FBXO36: variants seen among roughly 807,000 people sequenced by gnomAD.
FBXO36 encodes F-box only protein 36.
FBXO36 carries 18 observed loss-of-function variants against 17.0 expected under a neutral mutation model. The observed-to-expected ratio is 1.06, with a 90% CI of 0.73 to 1.57. FBXO36 has a LOEUF of 1.57. Ranked by LOEUF, FBXO36 falls within the 40% of genes most tolerant of loss-of-function variation. The pLI, the probability that FBXO36 is intolerant of heterozygous loss-of-function variation, is 0.00. For missense variants in FBXO36, 229 were observed against 221.9 expected (o/e 1.03, Z -0.20); for synonymous variants, 83 against 85.3 (o/e 0.97, Z 0.15).
At chr2:229,933,150 T>A (rs1164809358) in intron 1 of FBXO36, among the ~76,000 whole-genome samples, 1 of 152,318 alleles carries the variant, frequency 6.6e-6, no homozygotes, top group Middle Eastern at 3.4e-3. Context: ...GTAATCCATT[T>A]GGGAGGACGA....
intron 1 of FBXO36, chr2:229,937,889 CTCTT>C (rs2076972980): frequency 6.6e-6 from 1 of 152,192 alleles, no homozygotes. Context: ...GCACAGGTCT[CTCTT>C]CTTGATAGCA....
intron 2 of FBXO36, among the ~76,000 whole-genome samples, chr2:229,988,808 G>A (rs544062723): frequency 2.0e-5 from 3 of 148,812 alleles, no homozygotes; most frequent in East Asian, 2.0e-4. Context: ...GATTATAGGC[G>A]TGAGCCACCA....
intron 1 of FBXO36, among the ~76,000 whole-genome samples, chr2:229,926,836 G>A (rs943820023): frequency 6.6e-6 from 1 of 151,846 alleles, no homozygotes; most frequent in Non-Finnish European, 1.5e-5. Flanking sequence ...GATTAATAAA[G>A]TGTTAGGGGT....
intron 1 of FBXO36, among the ~76,000 whole-genome samples, chr2:229,942,224 G>A (rs548106781): frequency 3.5e-4 from 54 of 152,198 alleles, no homozygotes; most frequent in Non-Finnish European, 5.4e-4. Context: ...TGGGTAATAG[G>A]AGGCAGCGTC....
intron 1 of FBXO36, among the ~76,000 whole-genome samples, chr2:229,971,359 G>GA (rs1265894585): frequency 0.013 from 1,168 of 88,270 alleles, 9 homozygotes; most frequent in Non-Finnish European, 0.015. Flanking sequence ...CATCTCAAAA[G>GA]AAAAAAAAAA....
intron 1 of FBXO36, among the ~76,000 whole-genome samples, chr2:229,934,178 G>T (rs1217962806): frequency 6.6e-6 from 1 of 151,898 alleles, no homozygotes; most frequent in Non-Finnish European, 1.5e-5. Context: ...GAGGCGAGTG[G>T]ATCACAAGGT....
At chr2:229,939,723 C>T (rs758919286) in intron 1 of FBXO36, among the ~76,000 whole-genome samples, 6 of 152,172 alleles carry the variant, frequency 3.9e-5, no homozygotes, top group Admixed American at 2.0e-4. Context: ...GTTGGTTCCC[C>T]AAGGCTCCCT....
chr2:229,931,420 C>T (rs2076937826), intron 1 of FBXO36, among the ~76,000 whole-genome samples: 1 of 152,194 alleles, frequency 6.6e-6, no homozygotes, highest in African/African-American at 2.4e-5. Context: ...CGGATCCTTT[C>T]ATTCCTCCTG....
At chr2:229,967,890 G>A (rs1056215544) in intron 1 of FBXO36, among the ~76,000 whole-genome samples, 2 of 152,052 alleles carry the variant, frequency 1.3e-5, no homozygotes, top group Non-Finnish European at 2.9e-5. Context: ...TGCTGGCCTC[G>A]TAAAATGAGT....
intron 1 of FBXO36, among the ~76,000 whole-genome samples, chr2:229,932,256 T>TA (rs1434724399): frequency 6.6e-6 from 1 of 151,630 alleles, no homozygotes; most frequent in Non-Finnish European, 1.5e-5. Flanking sequence ...CACGGTGGCT[T>TA]ACGCCTGTTA....
chr2:229,922,581 A>G lies in FBXO36; in HGVS notation c.68A>G (p.Tyr23Cys), dbSNP rs769504180. 61 of 1,613,936 alleles carry G rather than the reference A, an allele frequency of 3.8e-5. No individual in the cohort carries two copies. The highest frequency in any genetic ancestry group is 4.4e-5 in the Non-Finnish European group (52 of 1,180,006). The change falls in exon 1 of 4, where the codon TAT becomes TGT. Residue 23 changes from tyrosine to cysteine, a missense_variant. Coordinates refer to ENST00000283946, the MANE Select transcript of FBXO36 (RefSeq NM_174899.5). ...CAAGGCCCGCCGCCTAGCAAAGACTATTACCAGTTACTGGTCACCCGGTCT... is the reference window on the plus strand; with the variant it reads ...CAAGGCCCGCCGCCTAGCAAAGACTGTTACCAGTTACTGGTCACCCGGTCT... ...VGQGPPPSKD[Y>C]YQLLVTRSQV...
At chr2:229,985,899 T>C (rs72993088) in intron 2 of FBXO36, among the ~76,000 whole-genome samples, 40,661 of 151,798 alleles carry the variant, frequency 0.27, 6,737 homozygotes, top group Middle Eastern at 0.44. Context: ...ATTAAAAAAA[T>C]TAGCTGGGCA....
rs1333634564 is a variant in FBXO36 at position 229,954,578 on chromosome 2, C to G, written c.97-21663C>G. On this transcript the variant is annotated intron_variant, in intron 1 of 3. Transcript: ENST00000283946. Reference sequence around the variant, plus strand: ...TTTTTTTTTTTTGAGACGGGAGTCTCGCTCTGTCACCCAGGCTGGAGTGCA... The same window carrying G: ...TTTTTTTTTTTTGAGACGGGAGTCTGGCTCTGTCACCCAGGCTGGAGTGCA... Among the ~76,000 whole-genome samples, 3 of 118,160 alleles carry G rather than the reference C, an allele frequency of 2.5e-5. No homozygotes were observed. The Admixed American group carries it at 3.2e-4, about 13-fold the overall frequency. 77.5% of individuals were successfully genotyped at this position (118,160 alleles called of 152,430 possible).
At chr2:229,990,742 T>C (rs1199329989) in intron 2 of FBXO36, among the ~76,000 whole-genome samples, 1 of 152,206 alleles carries the variant, frequency 6.6e-6, no homozygotes, top group East Asian at 1.9e-4. Flanking sequence ...CTTCCTAATT[T>C]GAGCTGGGGA....
chr2:229,944,081 G>A (rs886299570), intron 1 of FBXO36, among the ~76,000 whole-genome samples: 1 of 152,070 alleles, frequency 6.6e-6, no homozygotes, highest in Admixed American at 6.6e-5. Context: ...AGTTTCCAGA[G>A]GCCTCCCCAG....
chr2:229,954,234 A>ATTTTTT (rs60093081), intron 1 of FBXO36, among the ~76,000 whole-genome samples: 868 of 71,304 alleles, frequency 0.012, 170 homozygotes, highest in African/African-American at 0.027. Context: ...AACCCTTTGG[A>ATTTTTT]TTTTTTTTTT....
Position 229,976,375 on chromosome 2 carries a change from C to A in FBXO36, c.205+26C>A, listed in dbSNP as rs200117336. 1.3e-4 allele frequency: 185 copies of A among 1,470,068 alleles called. 1 individual carries two copies. In the Middle Eastern group the frequency reaches 5.9e-3, roughly 47 times the overall value. The allele number at this position is 1,470,068 out of a possible 1,614,324, so 91.1% of individuals were successfully genotyped here. On this transcript the variant is annotated intron_variant, in intron 2 of 3. Coordinates refer to ENST00000283946, the MANE Select transcript of FBXO36 (RefSeq NM_174899.5). The stretch of plus-strand genomic sequence containing the variant: ...GTAAGGAACGGAACATATTATATAC[C>A]CCTGTTAAGTTCTCATTAGTTAGTG...
chr2:230,003,407 G>A (rs1453834380), intron 3 of FBXO36, among the ~76,000 whole-genome samples: 2 of 152,010 alleles, frequency 1.3e-5, no homozygotes, highest in African/African-American at 4.8e-5. Flanking sequence ...TCTGAGAGGT[G>A]TTAGTCTAAT....
Position 230,012,301 on chromosome 2 carries a change from A to G in FBXO36, c.*1417A>G, listed in dbSNP as rs1430044663. 1 of 152,130 alleles carries G rather than the reference A, an allele frequency of 6.6e-6. No individual in the cohort carries two copies. The highest frequency in any genetic ancestry group is 1.9e-4 in the East Asian group (1 of 5,190). The allele number at this position is 152,130 out of a possible 1,614,324, so 9.4% of individuals were successfully genotyped here. A position where few individuals can be genotyped will look rare whatever the true frequency, so the allele number is the denominator to read the frequency against. ...AAAAACTGAACCCATGTTAATATCA[A>G]ACAAGATTTTAATCTTCATTCACAC... On this transcript the variant is annotated 3_prime_UTR_variant, in exon 4 of 4. Transcript: ENST00000283946.
Sources: gnomAD v4.1 joint callset for allele counts (sites outside exome capture counted in the v4.1 genomes callset) on GRCh38, gnomAD v4.1.1 for gene constraint, MANE v1.5 for transcripts, NCBI Gene and HGNC (gene_info 2026-07-23, HGNC 2026-07-21) for gene names.